Variants in TMEM232 observed in about 807,000 individuals in gnomAD.
The protein encoded by TMEM232 is transmembrane protein 232.
In TMEM232, 80 loss-of-function variants were observed where a neutral mutation model predicts 78.8. The observed-to-expected ratio is 1.01, with a 90% CI of 0.85 to 1.22. TMEM232 has a LOEUF of 1.22. TMEM232 is among the 50% of genes most tolerant of loss of function. The probability of loss-of-function intolerance (pLI) is 0.00; values close to 1 mark genes in which losing one functional copy is unlikely to be tolerated. For synonymous variants in TMEM232, 297 were observed against 254.3 expected (o/e 1.17, Z -1.60); for missense variants, 881 against 742.2 (o/e 1.19, Z -2.17).
At chr5:110,465,816 T>C (rs539871313) in intron 12 of TMEM232, among the ~76,000 whole-genome samples, 1 of 152,172 alleles carries the variant, frequency 6.6e-6, no homozygotes, top group East Asian at 1.9e-4. Context: ...CCACTCCCAA[T>C]TGGTTAGAAA....
intron 2 of TMEM232, 65 bp from the exon 3 acceptor site, chr5:110,642,436 T>C: frequency 8.6e-7 from 1 of 1,164,408 alleles, no homozygotes; most frequent in Non-Finnish European, 1.2e-6. Flanking sequence ...TTTCAATTAA[T>C]CAACTTCCAG....
intron 2 of TMEM232, among the ~76,000 whole-genome samples, chr5:110,645,438 T>C (rs1787344063): frequency 6.7e-6 from 1 of 148,696 alleles, no homozygotes; most frequent in Admixed American, 6.7e-5. Context: ...AATAAATCAG[T>C]GTAATATACC....
intron 4 of TMEM232, among the ~76,000 whole-genome samples, chr5:110,390,020 G>C (rs1174194171): frequency 1.3e-5 from 2 of 152,104 alleles, no homozygotes; most frequent in African/African-American, 4.8e-5. Flanking sequence ...CTGTGAGAGA[G>C]AAGGACTGAA....
intron 1 of TMEM232, among the ~76,000 whole-genome samples, chr5:110,693,117 A>G (rs1449725499): frequency 3.3e-5 from 5 of 152,184 alleles, no homozygotes; most frequent in African/African-American, 1.2e-4. Flanking sequence ...AACCAGAGGA[A>G]CAATCAGGCA....
At chr5:110,593,209 T>A (rs9326802) in intron 10 of TMEM232, among the ~76,000 whole-genome samples, 9,481 of 152,262 alleles carry the variant, frequency 0.062, 471 homozygotes, top group South Asian at 0.2. Flanking sequence ...TCTGCTTTGA[T>A]GCCATTATAG....
intron 7 of TMEM232, among the ~76,000 whole-genome samples, chr5:110,623,229 A>G (rs1159688307): frequency 6.7e-6 from 1 of 150,098 alleles, no homozygotes; most frequent in African/African-American, 2.5e-5. Flanking sequence ...AGTGGAACCC[A>G]TGCTCATATG....
intron 12 of TMEM232, among the ~76,000 whole-genome samples, chr5:110,513,136 T>C (rs1012421025): frequency 3.9e-5 from 6 of 152,152 alleles, no homozygotes; most frequent in African/African-American, 1.2e-4. Context: ...GATAGATAGA[T>C]AGAAATTGAT....
intron 12 of TMEM232, among the ~76,000 whole-genome samples, chr5:110,466,850 C>A (rs557078363): frequency 6.6e-6 from 1 of 151,760 alleles, no homozygotes; most frequent in East Asian, 1.9e-4. Flanking sequence ...CTCCTGACCT[C>A]GTGACCTGGC....
chr5:110,589,793 T>A (rs1308448477), intron 10 of TMEM232, among the ~76,000 whole-genome samples: 2 of 152,098 alleles, frequency 1.3e-5, no homozygotes, highest in East Asian at 3.9e-4. Context: ...ATTATTAATA[T>A]CCTTTATGAC....
chr5:110,583,723 T>G (rs1368218445), intron 10 of TMEM232, among the ~76,000 whole-genome samples: 1 of 151,746 alleles, frequency 6.6e-6, no homozygotes, highest in African/African-American at 2.4e-5. Context: ...GGGATTATAT[T>G]TGCAGACATC....
chr5:110,464,426 A>G (rs993025146), intron 12 of TMEM232, among the ~76,000 whole-genome samples: 1 of 152,210 alleles, frequency 6.6e-6, no homozygotes, highest in Non-Finnish European at 1.5e-5. Context: ...ATCATAGGCC[A>G]GAGTAAGTCT....
At chr5:110,515,992 C>A (rs770065218) in intron 12 of TMEM232, among the ~76,000 whole-genome samples, 1 of 152,190 alleles carries the variant, frequency 6.6e-6, no homozygotes, top group Non-Finnish European at 1.5e-5. Flanking sequence ...GTAATCCCAG[C>A]ACTTTGGGAG....
At chr5:110,530,492 T>A (rs1167059212) in intron 11 of TMEM232, among the ~76,000 whole-genome samples, 1 of 152,116 alleles carries the variant, frequency 6.6e-6, no homozygotes, top group Non-Finnish European at 1.5e-5. Context: ...CATCAACAGA[T>A]GAATGGATAA....
chr5:110,490,121 AAAAG>A (rs201189138), intron 12 of TMEM232, among the ~76,000 whole-genome samples: 18,268 of 110,256 alleles, frequency 0.17, 1,634 homozygotes, highest in Non-Finnish European at 0.19. Context: ...CTCCGTTTCA[AAAAG>A]AAAGAAAGAA....
Position 110,640,934 on chromosome 5 carries a change from A to T in TMEM232, c.300T>A (p.Thr100=). 1 of 1,541,500 alleles carries T rather than the reference A, an allele frequency of 6.5e-7. No individual in the cohort carries two copies. Among genetic ancestry groups the T allele is most frequent in the Non-Finnish European group, 8.8e-7 (1 of 1,141,788 alleles). The change falls in exon 4 of 14, where the codon ACT becomes ACA. Residue 100 remains threonine (T), a synonymous_variant. Coordinates refer to ENST00000455884, the MANE Select transcript of TMEM232 (RefSeq NM_001039763.4). ...GRHVHLPAAW[T]EVIYLAQCKG... is the part of the protein sequence containing the mutation. ...TGCATTGAGCCAGATATATTACTTC[A>T]GTCCATGCAGCAGGAAGATGCACAT...
intron 1 of TMEM232, among the ~76,000 whole-genome samples, chr5:110,678,818 T>G (rs979557434): frequency 6.6e-6 from 1 of 152,198 alleles, no homozygotes; most frequent in East Asian, 1.9e-4. Flanking sequence ...TTTAGTGATA[T>G]GCATTTAAGG....
chr5:110,736,814 C>T (rs1799219178), intron 1 of TMEM232, among the ~76,000 whole-genome samples: 1 of 152,034 alleles, frequency 6.6e-6, no homozygotes. Context: ...TGGCACCTAG[C>T]CTCCTTTCAG....
At chr5:110,628,973 A>G (rs1315635103) in intron 5 of TMEM232, 1 of 152,080 alleles carries the variant, frequency 6.6e-6, no homozygotes, top group Non-Finnish European at 1.5e-5. Flanking sequence ...TAATATTTAT[A>G]AATGTATTCA....
intron 13 of TMEM232, among the ~76,000 whole-genome samples, chr5:110,424,331 G>T (rs551769003): frequency 6.6e-6 from 1 of 152,008 alleles, no homozygotes; most frequent in Admixed American, 6.6e-5. Flanking sequence ...ATGTGTATTT[G>T]GTTAAGAAAT....
Sources: gnomAD v4.1 joint callset for allele counts (sites outside exome capture counted in the v4.1 genomes callset) on GRCh38, gnomAD v4.1.1 for gene constraint, MANE v1.5 for transcripts, NCBI Gene and HGNC (gene_info 2026-07-23, HGNC 2026-07-21) for gene names.